ATP6V1H: variants seen among roughly 807,000 people sequenced by gnomAD.
ATP6V1H encodes the protein V-type proton ATPase subunit H.
In ATP6V1H, 39 loss-of-function variants were observed where a neutral mutation model predicts 71.7. That is an observed-to-expected ratio of 0.54 (90% CI 0.42 to 0.71). The LOEUF (loss-of-function observed/expected upper bound fraction) is 0.71, where lower values mean the gene tolerates loss of function less well. Among genes scored for constraint, ATP6V1H ranks in the 30% least tolerant of loss-of-function variants. The pLI, the probability that ATP6V1H is intolerant of heterozygous loss-of-function variation, is 0.00. For synonymous variants in ATP6V1H, 192 were observed against 199.3 expected, an observed-to-expected ratio of 0.96 and a Z score of 0.31; for missense variants, 509 against 594.9, an observed-to-expected ratio of 0.86 and a Z score of 1.50.
chr8:53,783,962 C>G (rs916349672), intron 9 of ATP6V1H, among the ~76,000 whole-genome samples: 7 of 152,158 alleles, frequency 4.6e-5, no homozygotes, highest in Admixed American at 1.3e-4. Flanking sequence ...TTACTTCCAA[C>G]TATGTGGTCA....
intron 13 of ATP6V1H, among the ~76,000 whole-genome samples, chr8:53,727,222 C>T (rs186020643): frequency 1.8e-4 from 27 of 152,330 alleles, no homozygotes; most frequent in Middle Eastern, 6.8e-3. Context: ...ATGGCCTTCT[C>T]GCTGCTGCAC....
intron 2 of ATP6V1H, among the ~76,000 whole-genome samples, chr8:53,840,769 G>C (rs1811320070): frequency 6.6e-6 from 1 of 152,092 alleles, no homozygotes; most frequent in Non-Finnish European, 1.5e-5. Context: ...TATAAAACTA[G>C]ATTCCTCAAT....
chr8:53,727,524 C>T (rs370096826), intron 13 of ATP6V1H, among the ~76,000 whole-genome samples: 1 of 152,306 alleles, frequency 6.6e-6, no homozygotes, highest in Admixed American at 6.5e-5. Flanking sequence ...TTGGATCACA[C>T]AGCTCTTTGA....
At chr8:53,778,525 T>A (rs903934676) in intron 9 of ATP6V1H, among the ~76,000 whole-genome samples, 1 of 152,302 alleles carries the variant, frequency 6.6e-6, no homozygotes, top group African/African-American at 2.4e-5. Flanking sequence ...AACCGAAGAC[T>A]ATTCAGCCAT....
chr8:53,797,815 A>C (rs554562725), intron 8 of ATP6V1H, among the ~76,000 whole-genome samples: 3 of 152,238 alleles, frequency 2.0e-5, no homozygotes, highest in Admixed American at 2.0e-4. Context: ...CCTGAGCAAC[A>C]TGGCAAAACC....
At chr8:53,830,402 T>G (rs534123282) in intron 3 of ATP6V1H, among the ~76,000 whole-genome samples, 1 of 152,298 alleles carries the variant, frequency 6.6e-6, no homozygotes, top group Non-Finnish European at 1.5e-5. Flanking sequence ...AAAATCATAC[T>G]TATCCTAGAA....
In ATP6V1H at chr8:53,817,450, CATTGGCAGAAAG is replaced by C; in HGVS notation, c.375_386del (p.Tyr125_Met129delinsTer). The stretch of plus-strand genomic sequence containing the variant: ...CAGTGAAGGGATCCTGGCGATTCAA[CATTGGCAGAAAG>C]TAGGGCCACGCAGTGTTCTTGCTAC... On this transcript the variant is annotated stop_gained and inframe_deletion, in exon 5 of 14. Coordinates refer to ENST00000359530, the MANE Select transcript of ATP6V1H (RefSeq NM_015941.4). LOFTEE classifies it high-confidence loss of function. 6.2e-7 allele frequency: 1 copy of C among 1,613,424 alleles called. No individual in the cohort carries two copies. Among genetic ancestry groups the C allele is most frequent in the African/African-American group, 1.3e-5 (1 of 75,020 alleles).
intron 13 of ATP6V1H, among the ~76,000 whole-genome samples, chr8:53,717,791 C>T (rs1806474604): frequency 6.6e-6 from 1 of 152,036 alleles, no homozygotes; most frequent in African/African-American, 2.4e-5. Flanking sequence ...ATTTTTCCTA[C>T]ATATATGTGA....
intron 7 of ATP6V1H, among the ~76,000 whole-genome samples, chr8:53,803,089 C>A (rs2130439501): frequency 6.6e-6 from 1 of 152,338 alleles, no homozygotes; most frequent in South Asian, 2.1e-4. Flanking sequence ...GTGATCCCAG[C>A]ACTTTGGGAG....
chr8:53,762,299 T>C (rs1025186793), intron 11 of ATP6V1H, among the ~76,000 whole-genome samples: 1 of 151,316 alleles, frequency 6.6e-6, no homozygotes, highest in African/African-American at 2.4e-5. Flanking sequence ...ATAAATTTAA[T>C]GAAAGACAAC....
intron 13 of ATP6V1H, among the ~76,000 whole-genome samples, chr8:53,742,610 C>G (rs1807452756): frequency 6.6e-6 from 1 of 152,112 alleles, no homozygotes; most frequent in Admixed American, 6.5e-5. Flanking sequence ...AGCTAGCACT[C>G]AAAAAGCACT....
At chr8:53,736,789 CCT>C (rs542307030) in intron 13 of ATP6V1H, among the ~76,000 whole-genome samples, 339 of 152,246 alleles carry the variant, frequency 2.2e-3, no homozygotes, top group African/African-American at 7.7e-3. Flanking sequence ...AAGGAGACCA[CCT>C]CTCTTATTGT....
intron 9 of ATP6V1H, among the ~76,000 whole-genome samples, chr8:53,785,195 C>T (rs1809327713): frequency 6.6e-6 from 1 of 152,174 alleles, no homozygotes; most frequent in Admixed American, 6.5e-5. Flanking sequence ...CAGATTTGGT[C>T]TTTTCACATA....
rs1563451162 is a variant in ATP6V1H, at chr8:53,755,722, ATATATATATATATATATATATATTTTT to A, written c.1277+806_1277+832del. 1.6e-3 allele frequency among the ~76,000 whole-genome samples: 9 copies of A among 5,774 alleles called. 1 individual carries two copies. The highest frequency in any genetic ancestry group is 9.9e-3 in the African/African-American group (9 of 912). The allele number at this position is 5,774 out of a possible 152,430, so 3.8% of individuals were successfully genotyped here. ...TATATATATATATATATATATATAT[ATATATATATATATATATATATATTTTT>A]TTTTTTTTTTTTTTTTTTTTTTTTT... is the stretch of plus-strand genomic sequence containing the variant. On this transcript the variant is annotated intron_variant, in intron 12 of 13. Transcript: ENST00000359530.
intron 12 of ATP6V1H, among the ~76,000 whole-genome samples, chr8:53,746,166 A>C (rs1350377049): frequency 6.6e-6 from 1 of 152,208 alleles, no homozygotes; most frequent in African/African-American, 2.4e-5. Flanking sequence ...AATACTGCCT[A>C]GCAAAAGCAG....
At chr8:53,829,743 T>C (rs34608105) in intron 3 of ATP6V1H, among the ~76,000 whole-genome samples, 2 of 152,206 alleles carry the variant, frequency 1.3e-5, no homozygotes, top group African/African-American at 4.8e-5. Flanking sequence ...ACATTTCTAG[T>C]GATAAGTTTC....
At chr8:53,731,543 G>GT (rs1807025311) in intron 13 of ATP6V1H, among the ~76,000 whole-genome samples, 1 of 152,084 alleles carries the variant, frequency 6.6e-6, no homozygotes, top group Non-Finnish European at 1.5e-5. Flanking sequence ...CCCCAGCCAC[G>GT]TACCCCATGC....
chr8:53,777,956 TCTTTA>T (rs1252446040), intron 9 of ATP6V1H, among the ~76,000 whole-genome samples: 23 of 152,340 alleles, frequency 1.5e-4, no homozygotes, highest in Non-Finnish European at 3.1e-4. Flanking sequence ...TGTTTTTCCC[TCTTTA>T]CTTCCATAAT....
chr8:53,717,302 C>T (rs754040751), intron 13 of ATP6V1H, among the ~76,000 whole-genome samples: 4 of 152,192 alleles, frequency 2.6e-5, no homozygotes, highest in African/African-American at 7.2e-5. Context: ...GGAAATGTCA[C>T]GCAGTGGCGG....
Sources: gnomAD v4.1 joint callset for allele counts (sites outside exome capture counted in the v4.1 genomes callset) on GRCh38, gnomAD v4.1.1 for gene constraint, MANE v1.5 for transcripts, NCBI Gene and HGNC (gene_info 2026-07-23, HGNC 2026-07-21) for gene names.